The following CDH23 variants were observed in gnomAD, a reference collection of about 807,000 sequenced individuals.
The protein encoded by CDH23 is cadherin related 23.
In CDH23, 189 loss-of-function variants were observed where a neutral mutation model predicts 317.1. The observed-to-expected ratio is 0.60, with a 90% confidence interval of 0.53 to 0.67. The LOEUF is 0.67. Ranked by LOEUF, CDH23 falls within the 30% of genes least tolerant of loss-of-function variation. The pLI is 0.00. For synonymous variants in CDH23, 1,839 were observed against 1,876.8 expected (o/e 0.98, Z 0.52); for missense variants, 4,401 against 4,592.4 (o/e 0.96, Z 1.20).
intron 40 of CDH23, among the ~76,000 whole-genome samples, chr10:71,778,612 C>G (rs1299566390): frequency 6.6e-6 from 1 of 152,194 alleles, no homozygotes; most frequent in Admixed American, 6.5e-5. Flanking sequence ...CTGTGTGACC[C>G]TGAGCAAGTT....
Position 71,677,481 on chromosome 10 carries a change from C to T in CDH23, c.1540C>T (p.Leu514Phe). The T allele has an allele frequency of 6.2e-7, 1 of 1,610,796 alleles. No homozygotes were observed. Among genetic ancestry groups the T allele is most frequent in the Non-Finnish European group, 8.5e-7 (1 of 1,178,710 alleles). ...GTTCTCGCTGGACAAGGACACGGGA[C>T]TCATCATGCTGATTGCCAGGCTGGA... The part of the protein sequence containing the change: ...DRFSLDKDTG[L>F]IMLIARLDYE... Residue 514 changes from leucine to phenylalanine, a missense_variant, in exon 16 of 70, where the codon CTC becomes TTC. Leu to Phe is a conservative substitution (Grantham distance 22). Coordinates refer to ENST00000224721, the MANE Select transcript of CDH23 (RefSeq NM_022124.6).
At chr10:71,580,116 T>A (rs1292017679) in intron 9 of CDH23, among the ~76,000 whole-genome samples, 1 of 152,218 alleles carries the variant, frequency 6.6e-6, no homozygotes, top group Non-Finnish European at 1.5e-5. Context: ...GGTGCCAGGC[T>A]GCCAGTCCAG....
intron 38 of CDH23, among the ~76,000 whole-genome samples, chr10:71,746,648 C>T (rs1376320392): frequency 6.6e-6 from 1 of 152,210 alleles, no homozygotes; most frequent in Non-Finnish European, 1.5e-5. Context: ...CGGAAGGTAA[C>T]TGGGAGGTCA....
chr10:71,775,653 AC>A (rs1166202119), intron 38 of CDH23, among the ~76,000 whole-genome samples: 1 of 152,060 alleles, frequency 6.6e-6, no homozygotes, highest in African/African-American at 2.4e-5. Context: ...AGGAAGTCAA[AC>A]CCACCTTCCC....
chr10:71,417,340 G>A (rs1239144523), intron 1 of CDH23, among the ~76,000 whole-genome samples: 2 of 152,082 alleles, frequency 1.3e-5, no homozygotes, highest in African/African-American at 4.8e-5. Context: ...GCCTCCCAAA[G>A]TGCTGGGATT....
intron 38 of CDH23, chr10:71,773,531 G>A: frequency 7.8e-7 from 1 of 1,275,962 alleles, no homozygotes; most frequent in Non-Finnish European, 1.1e-6. Flanking sequence ...GAGTGCGAGC[G>A]AGTGAGCGCT....
At chr10:71,555,990 A>G (rs111343389) in intron 6 of CDH23, among the ~76,000 whole-genome samples, 16 of 152,254 alleles carry the variant, frequency 1.1e-4, no homozygotes, top group African/African-American at 3.6e-4. Flanking sequence ...TTGGGTGGTG[A>G]TGTCTGACGT....
intron 3 of CDH23, 101 bp downstream of exon 3, chr10:71,446,496 AT>A (rs1160127968): frequency 4.1e-6 from 5 of 1,224,246 alleles, no homozygotes; most frequent in Non-Finnish European, 6.0e-6. Flanking sequence ...CTTCCACCTG[AT>A]TTTGGAATCT....
At chr10:71,770,993 G>C (rs763807838) in intron 38 of CDH23, among the ~76,000 whole-genome samples, 2 of 152,220 alleles carry the variant, frequency 1.3e-5, no homozygotes, top group Admixed American at 6.5e-5. Context: ...TGCTGCGTCA[G>C]AGGCTTGCAG....
intron 6 of CDH23, chr10:71,512,442 G>T (rs1264638709): frequency 6.6e-6 from 1 of 152,404 alleles, no homozygotes; most frequent in Admixed American, 6.5e-5. Flanking sequence ...AGGGACTGCA[G>T]CTTGGCTCCT....
chr10:71,642,393 CTTTT>C (rs781291264), intron 11 of CDH23, among the ~76,000 whole-genome samples: 4 of 85,390 alleles, frequency 4.7e-5, no homozygotes, highest in Non-Finnish European at 8.6e-5. Flanking sequence ...GGCCCGGCCT[CTTTT>C]TTTTTTTTTT....
At chr10:71,528,447 G>A (rs1394809612) in intron 6 of CDH23, among the ~76,000 whole-genome samples, 2 of 152,246 alleles carry the variant, frequency 1.3e-5, no homozygotes, top group African/African-American at 4.8e-5. Context: ...AGAGGGCTGA[G>A]CAGTGACTGT....
intron 11 of CDH23, among the ~76,000 whole-genome samples, chr10:71,619,417 C>T (rs1861357601): frequency 6.6e-6 from 1 of 152,166 alleles, no homozygotes; most frequent in Admixed American, 6.5e-5. Context: ...AATATGTTCT[C>T]ACACCCTAAT....
At chr10:71,579,714 G>A (rs181246664) in intron 9 of CDH23, among the ~76,000 whole-genome samples, 7 of 152,286 alleles carry the variant, frequency 4.6e-5, no homozygotes, top group Middle Eastern at 3.4e-3. Context: ...ACCTGCCTGG[G>A]AATCGAGGCC....
chr10:71,716,291 G>T (rs764039754), intron 28 of CDH23: 3 of 1,522,396 alleles, frequency 2.0e-6, no homozygotes, highest in African/African-American at 1.4e-5. Flanking sequence ...AAAGGCGAGG[G>T]GGCTGATGGC....
Position 71,810,549 on chromosome 10 carries a change from C to T in CDH23, c.9057C>T (p.Asn3019=). 1 of 1,613,976 alleles carries T rather than the reference C, an allele frequency of 6.2e-7. No homozygotes were observed. ...LLIHVVNRDT[N]RILDVDRVIQ... is the part of the protein sequence containing the mutation. ...TCCACGTGGTGAACCGCGATACCAA[C>T]CGCATCCTGGACGTGGACCGGTGAG... The change falls in exon 62 of 70, where the codon AAC becomes AAT. Residue 3019 remains asparagine, a synonymous_variant. Transcript: ENST00000224721.
chr10:71,637,230 A>G (rs7089938), intron 11 of CDH23, among the ~76,000 whole-genome samples: 10,360 of 152,210 alleles, frequency 0.068, 1,174 homozygotes, highest in African/African-American at 0.23. Flanking sequence ...CAGCCGAGGA[A>G]GGAGGGAAAC....
intron 38 of CDH23, among the ~76,000 whole-genome samples, chr10:71,744,041 T>A (rs886261003): frequency 1.3e-5 from 2 of 152,154 alleles, no homozygotes; most frequent in East Asian, 3.8e-4. Context: ...CCCTCCAGAG[T>A]GCTGCTTGTG....
At chr10:71,530,965 G>A (rs1031705535) in intron 6 of CDH23, among the ~76,000 whole-genome samples, 1 of 152,230 alleles carries the variant, frequency 6.6e-6, no homozygotes, top group East Asian at 1.9e-4. Flanking sequence ...TACATAGAGA[G>A]CCTGTCTGAA....
Sources: gnomAD v4.1 joint callset for allele counts (sites outside exome capture counted in the v4.1 genomes callset) on GRCh38, gnomAD v4.1.1 for gene constraint, MANE v1.5 for transcripts, NCBI Gene and HGNC (gene_info 2026-07-23, HGNC 2026-07-21) for gene names.